The following SLC24A2 variants were observed in gnomAD, a reference collection of about 807,000 sequenced individuals.
SLC24A2 encodes solute carrier family 24 member 2, also known as sodium/potassium/calcium exchanger 2.
A neutral mutation model predicts 62.0 loss-of-function variants in SLC24A2; 36 were observed. The ratio of observed to expected loss-of-function variants is 0.58; its 90% confidence interval spans 0.44 to 0.77. SLC24A2 has a LOEUF of 0.77. SLC24A2 is among the 30% of genes least tolerant of loss of function. The pLI is 0.00. For synonymous variants in SLC24A2, 358 were observed against 294.0 expected (o/e 1.22, Z -2.23); for missense variants, 846 against 817.9 (o/e 1.03, Z -0.42).
the SLC24A2 span, among the ~76,000 whole-genome samples, chr9:20,255,993 T>C: frequency 1.3e-5 from 2 of 152,262 alleles, no homozygotes; most frequent in South Asian, 4.1e-4. Context: ...AGATCAAGGG[T>C]CTGGCATCTG....
rs11389403 is a variant in SLC24A2 at position 19,639,115 on chromosome 9, C to T, written c.931-16816G>A. On this transcript the variant is annotated intron_variant, in intron 2 of 10. Transcript: ENST00000341998. The stretch of plus-strand genomic sequence containing the variant: ...ATTCTGCATTTGCAAGTGGTTTTTT[C>T]CCCCAACAACAACAAAAATTCTCTC... Among the ~76,000 whole-genome samples the T allele has an allele frequency of 1.4e-4, 9 of 63,754 alleles. No homozygotes were observed. The South Asian group carries it at 4.5e-3, about 32-fold the overall frequency. The allele number at this position is 63,754 out of a possible 152,430, so 41.8% of individuals were successfully genotyped here.
chr9:19,786,533 T>A lies in SLC24A2; in HGVS notation c.334A>T (p.Ser112Cys). The A allele has an allele frequency of 1.2e-6, 2 of 1,614,248 alleles. No homozygotes were observed. Among genetic ancestry groups the A allele is most frequent in the Non-Finnish European group, 1.7e-6 (2 of 1,180,040 alleles). Residue 112 changes from serine (S) to cysteine (C), a missense_variant, in exon 2 of 11, where the codon AGT (serine) becomes TGT (cysteine). Ser to Cys is a moderately radical substitution (Grantham distance 112). Transcript: ENST00000341998. This position sits in a 1 kb window ranked among gnomAD's most constrained non-coding sequence, Gnocchi z 5.0. ...PLSKEGESENSTDHAQGDYPK... is the reference protein window; with the variant it reads ...PLSKEGESENCTDHAQGDYPK... ...TAGTCTCCTTGGGCGTGATCTGTAC[T>A]ATTCTCAGACTCGCCTTCCTTAGAA...
the SLC24A2 span, among the ~76,000 whole-genome samples, chr9:20,084,322 C>T: frequency 1.3e-5 from 2 of 152,152 alleles, no homozygotes; most frequent in Admixed American, 6.5e-5. Flanking sequence ...CTAGGGAGAG[C>T]CAATGGTGTA....
At chr9:20,301,110 T>C in the SLC24A2 span, among the ~76,000 whole-genome samples, 1 of 152,186 alleles carries the variant, frequency 6.6e-6, no homozygotes, top group South Asian at 2.1e-4. Context: ...AAAGGCACAT[T>C]GCTCCCCAAG....
the SLC24A2 span, among the ~76,000 whole-genome samples, chr9:20,171,120 G>T: frequency 2.0e-5 from 3 of 151,920 alleles, no homozygotes; most frequent in African/African-American, 7.2e-5. Flanking sequence ...GCAAAACTAA[G>T]CCTTATAAAT....
chr9:19,770,079 G>A (rs1822639334), intron 2 of SLC24A2, among the ~76,000 whole-genome samples: 1 of 151,110 alleles, frequency 6.6e-6, no homozygotes, highest in Non-Finnish European at 1.5e-5. Context: ...GTCCCATGTA[G>A]ACTGCATTCG....
the SLC24A2 span, among the ~76,000 whole-genome samples, chr9:20,107,105 G>A: frequency 2.0e-5 from 3 of 152,196 alleles, no homozygotes; most frequent in African/African-American, 7.2e-5. Flanking sequence ...TTGCTTCAAA[G>A]AGAATAAAAT....
chr9:19,969,557 A>G, the SLC24A2 span, among the ~76,000 whole-genome samples: 6 of 152,268 alleles, frequency 3.9e-5, no homozygotes, highest in East Asian at 1.2e-3. Context: ...TGTCCACAGT[A>G]AGTTCCACCT....
At chr9:19,768,008 G>A (rs1405842664) in intron 2 of SLC24A2, among the ~76,000 whole-genome samples, 1 of 152,114 alleles carries the variant, frequency 6.6e-6, no homozygotes, top group Non-Finnish European at 1.5e-5. Context: ...TGCTAGCTCA[G>A]GTCTTTCTTC....
chr9:20,085,395 T>C, the SLC24A2 span, among the ~76,000 whole-genome samples: 19 of 152,188 alleles, frequency 1.2e-4, no homozygotes, highest in African/African-American at 4.6e-4. Context: ...CATTCTAATA[T>C]GAAGGATAAA....
chr9:20,079,450 G>T, the SLC24A2 span, among the ~76,000 whole-genome samples: 1 of 152,024 alleles, frequency 6.6e-6, no homozygotes, highest in East Asian at 1.9e-4. Flanking sequence ...TTTTCCTTTT[G>T]TTTAATGCAA....
the SLC24A2 span, among the ~76,000 whole-genome samples, chr9:19,817,260 AGG>A: frequency 6.6e-6 from 1 of 151,938 alleles, no homozygotes; most frequent in Non-Finnish European, 1.5e-5. Context: ...AAGCAACTAT[AGG>A]GAGTTATGCC....
At chr9:19,551,744 G>A (rs548166340) in intron 7 of SLC24A2, among the ~76,000 whole-genome samples, 18 of 152,286 alleles carry the variant, frequency 1.2e-4, no homozygotes, top group Non-Finnish European at 1.8e-4. Context: ...TGGCCTTGAG[G>A]AGAGGTCAGG....
At chr9:20,069,407 T>A in the SLC24A2 span, among the ~76,000 whole-genome samples, 1 of 152,208 alleles carries the variant, frequency 6.6e-6, no homozygotes, top group Non-Finnish European at 1.5e-5. Flanking sequence ...ATTGGCTATT[T>A]AAAAAATATT....
intron 2 of SLC24A2, among the ~76,000 whole-genome samples, chr9:19,638,454 C>G (rs1235687782): frequency 6.6e-6 from 1 of 152,174 alleles, no homozygotes; most frequent in Non-Finnish European, 1.5e-5. Context: ...ACAAAATCCA[C>G]AACTAAGCAT....
At chr9:19,701,266 G>T (rs557812303) in intron 2 of SLC24A2, among the ~76,000 whole-genome samples, 11 of 152,346 alleles carry the variant, frequency 7.2e-5, no homozygotes, top group African/African-American at 2.6e-4. Context: ...AAGACATATT[G>T]TAGCGGAATC....
the SLC24A2 span, among the ~76,000 whole-genome samples, chr9:20,035,143 T>G: frequency 3.9e-5 from 6 of 152,294 alleles, no homozygotes; most frequent in African/African-American, 1.4e-4. Flanking sequence ...CTAGTTCTAA[T>G]TTTTACTGAC....
chr9:19,814,297 A>AC, the SLC24A2 span, among the ~76,000 whole-genome samples: 1 of 152,186 alleles, frequency 6.6e-6, no homozygotes. Context: ...GGGGTAAGCA[A>AC]CTAGCACTCT....
At chr9:19,656,216 T>TA (rs1349199080) in intron 2 of SLC24A2, among the ~76,000 whole-genome samples, 6 of 152,186 alleles carry the variant, frequency 3.9e-5, no homozygotes, top group Non-Finnish European at 8.8e-5. Flanking sequence ...ATGAACAGAA[T>TA]AAAAAGTCTT....
Sources: gnomAD v4.1 joint callset for allele counts (sites outside exome capture counted in the v4.1 genomes callset) on GRCh38, gnomAD v4.1.1 for gene constraint, Gnocchi (gnomAD v3.1) non-coding constraint, MANE v1.5 for transcripts, NCBI Gene and HGNC (gene_info 2026-07-23, HGNC 2026-07-21) for gene names.